SIPA1L3: variants seen among roughly 807,000 people sequenced by gnomAD.
SIPA1L3 encodes signal induced proliferation associated 1 like 3.
A neutral mutation model predicts 150.1 loss-of-function variants in SIPA1L3; 59 were observed. That is an observed-to-expected ratio of 0.39 (90% CI 0.32 to 0.49). The LOEUF (loss-of-function observed/expected upper bound fraction) is 0.49. SIPA1L3 is among the 20% of genes least tolerant of loss of function. The pLI is 0.86. For missense variants in SIPA1L3, 2,211 were observed against 2,489.5 expected (o/e 0.89, Z 2.38); for synonymous variants, 1,070 against 1,077.6 (o/e 0.99, Z 0.14).
chr19:37,960,859 T>A (rs192699069), intron 1 of SIPA1L3, among the ~76,000 whole-genome samples: 2,346 of 150,764 alleles, frequency 0.016, 46 homozygotes, highest in East Asian at 0.064. Flanking sequence ...CAGCCAATTT[T>A]AAAAAAAAAT....
Position 38,088,791 on chromosome 19 carries a change from G to C in SIPA1L3, c.1605G>C (p.Leu535=). ...CTGTGAGCATTAAGCGGGAGAAGCT[G>C]GAAGACCACAAGGAGCACGGACCTC... ...PVAVSIKREK[L]EDHKEHGPQY... is the part of the protein sequence containing the mutation. The change falls in exon 4 of 22, where the codon CTG becomes CTC. Residue 535 remains leucine (L), a synonymous_variant. Transcript: ENST00000222345. 1 of 1,614,104 alleles carries C rather than the reference G, an allele frequency of 6.2e-7. No homozygotes were observed. Among genetic ancestry groups the C allele is most frequent in the Non-Finnish European group, 8.5e-7 (1 of 1,179,992 alleles).
chr19:38,037,403 A>G (rs1568514137), intron 2 of SIPA1L3, among the ~76,000 whole-genome samples: 1 of 152,174 alleles, frequency 6.6e-6, no homozygotes, highest in Non-Finnish European at 1.5e-5. Flanking sequence ...CGGACGTGGG[A>G]AGGAGCTTGA....
chr19:38,096,765 A>G (rs2145850913), intron 4 of SIPA1L3, among the ~76,000 whole-genome samples: 1 of 152,292 alleles, frequency 6.6e-6, no homozygotes, highest in East Asian at 1.9e-4. Context: ...TGGGGTGTAA[A>G]TTGGTACAAC....
At chr19:38,045,104 G>A (rs1195341586) in intron 2 of SIPA1L3, among the ~76,000 whole-genome samples, 1 of 152,130 alleles carries the variant, frequency 6.6e-6, no homozygotes, top group African/African-American at 2.4e-5. Flanking sequence ...CAGGCTGGGC[G>A]CAGTGGCTCA....
At chr19:38,177,360 C>CAA (rs371696539) in intron 15 of SIPA1L3, among the ~76,000 whole-genome samples, 10,530 of 121,242 alleles carry the variant, frequency 0.087, 1,272 homozygotes, top group African/African-American at 0.28. Flanking sequence ...GACTCCATCT[C>CAA]AAAAAAAAAA....
At chr19:38,179,734 T>C (rs1972517244) in intron 15 of SIPA1L3, among the ~76,000 whole-genome samples, 1 of 152,230 alleles carries the variant, frequency 6.6e-6, no homozygotes, top group South Asian at 2.1e-4. Context: ...TAAGAAAGCA[T>C]ATACTTTTAT....
chr19:38,051,294 G>A (rs188097395), intron 2 of SIPA1L3, among the ~76,000 whole-genome samples: 53 of 152,228 alleles, frequency 3.5e-4, no homozygotes, highest in Middle Eastern at 6.8e-3. Flanking sequence ...TCTTTTTAAT[G>A]ACTGCCTGTA....
chr19:37,948,729 A>G (rs1599830094), intron 1 of SIPA1L3, among the ~76,000 whole-genome samples: 1 of 152,162 alleles, frequency 6.6e-6, no homozygotes, highest in Non-Finnish European at 1.5e-5. Context: ...TGGATCCTAG[A>G]TACAACAGAT....
chr19:38,106,781 G>T (rs1011762177), intron 7 of SIPA1L3, 141 bp downstream of exon 7: 5 of 637,092 alleles, frequency 7.8e-6, no homozygotes, highest in Non-Finnish European at 1.4e-5. Flanking sequence ...TTTCCCTGGG[G>T]GTTAGAGAGC....
At chr19:38,096,250 C>T (rs1970378649) in intron 4 of SIPA1L3, among the ~76,000 whole-genome samples, 1 of 152,002 alleles carries the variant, frequency 6.6e-6, no homozygotes. Flanking sequence ...CCTCCTTAGT[C>T]TTTTTGTTGT....
intron 1 of SIPA1L3, among the ~76,000 whole-genome samples, chr19:37,988,365 AT>A (rs1283082478): frequency 6.6e-6 from 1 of 152,126 alleles, no homozygotes; most frequent in African/African-American, 2.4e-5. Context: ...AAATTTTATA[AT>A]TTTTAAAAAA....
In SIPA1L3 at chr19:38,047,337, G is replaced by T. The variant is rs948938873; in HGVS notation, c.-311+18181G>T. The stretch of plus-strand genomic sequence containing the variant: ...GGCACATATCACAGTGGATTTGTGG[G>T]CTTGTGTATTGCCTGTCTACACCCT... On this transcript the variant is annotated intron_variant, in intron 2 of 21. Coordinates refer to ENST00000222345, the MANE Select transcript of SIPA1L3 (RefSeq NM_015073.3). The surrounding 1 kb of genome is among the most constrained non-coding windows in gnomAD (Gnocchi z 4.7). Among the ~76,000 whole-genome samples the T allele has an allele frequency of 6.6e-6, 1 of 152,056 alleles. No homozygotes were observed. The highest frequency in any genetic ancestry group is 1.5e-5 in the Non-Finnish European group (1 of 68,014).
In SIPA1L3 at chr19:38,163,621, GCC is replaced by G. The variant is rs539389213; in HGVS notation, c.3781-856_3781-855del. Among the ~76,000 whole-genome samples the G allele has an allele frequency of 8.5e-5, 13 of 152,242 alleles. No homozygotes were observed. In the East Asian group the frequency reaches 2.5e-3, roughly 29 times the overall value. ...AAACCTTGAGTGAAGGAAGGGGGAG[GCC>G]CACGAAGATCTCTCAGGGAAGAGTA... On this transcript the variant is annotated intron_variant, in intron 14 of 21. Transcript: ENST00000222345.
intron 15 of SIPA1L3, among the ~76,000 whole-genome samples, chr19:38,165,671 C>T (rs1972193103): frequency 6.6e-6 from 1 of 152,204 alleles, no homozygotes; most frequent in Non-Finnish European, 1.5e-5. Context: ...CCACAGAAGC[C>T]CTCAAAGGCT....
At position 38,164,710 on chromosome 19, in the gene SIPA1L3, C is replaced by G. The variant is rs1972168642; in HGVS notation, c.4012C>G (p.Pro1338Ala). 1 of 1,613,982 alleles carries G rather than the reference C, an allele frequency of 6.2e-7. No homozygotes were observed. The highest frequency in any genetic ancestry group is 1.7e-5 in the Admixed American group (1 of 59,988). Reference sequence around the variant, plus strand: ...ACGGCCCGCCAAGCCACACAAGCCCCCTGGAAGTATGGGCCTTTGTGGCGG... The same window carrying G: ...ACGGCCCGCCAAGCCACACAAGCCCGCTGGAAGTATGGGCCTTTGTGGCGG... ...APRPAKPHKP[P>A]GSMGLCGGGR... The change falls in exon 15 of 22, where the codon CCT (proline) becomes GCT (alanine). Residue 1338 changes from proline to alanine, a missense_variant. Coordinates refer to ENST00000222345, the MANE Select transcript of SIPA1L3 (RefSeq NM_015073.3). This position sits in a 1 kb window ranked among gnomAD's most constrained non-coding sequence, Gnocchi z 4.1.
intron 1 of SIPA1L3, among the ~76,000 whole-genome samples, chr19:37,936,803 A>G (rs1484652713): frequency 6.6e-6 from 1 of 152,204 alleles, no homozygotes; most frequent in Non-Finnish European, 1.5e-5. Context: ...TACAGGAAAC[A>G]TTTCTTGTTG....
At chr19:37,997,090 A>G (rs1967652641) in intron 1 of SIPA1L3, among the ~76,000 whole-genome samples, 1 of 152,144 alleles carries the variant, frequency 6.6e-6, no homozygotes, top group South Asian at 2.1e-4. Context: ...GTGGGGGAAG[A>G]TGAGGTAGAG....
chr19:38,195,416 C>T (rs548084265), intron 18 of SIPA1L3, among the ~76,000 whole-genome samples: 1 of 152,324 alleles, frequency 6.6e-6, no homozygotes, highest in East Asian at 1.9e-4. Context: ...GGGCGGGGCT[C>T]TGCCCTCGGT....
chr19:38,006,439 A>AG (rs1167424785), intron 1 of SIPA1L3, among the ~76,000 whole-genome samples: 1 of 152,126 alleles, frequency 6.6e-6, no homozygotes, highest in Non-Finnish European at 1.5e-5. Context: ...CAAGAAAGGT[A>AG]GGAGGGCTTT....
Sources: allele counts gnomAD v4.1 joint callset (sites outside exome capture counted in the v4.1 genomes callset), GRCh38; gene constraint gnomAD v4.1.1; non-coding constraint Gnocchi (gnomAD v3.1); transcripts MANE v1.5; gene names NCBI Gene and HGNC (gene_info 2026-07-23, HGNC 2026-07-21).